RNLS: variants seen among roughly 807,000 people sequenced by gnomAD.
RNLS encodes renalase, FAD dependent amine oxidase.
Under a neutral mutation model 39.8 loss-of-function variants are expected in RNLS, and 39 were observed. The ratio of observed to expected loss-of-function variants is 0.98; its 90% CI spans 0.76 to 1.28. The LOEUF (loss-of-function observed/expected upper bound fraction) is 1.28. RNLS is among the 50% of genes most tolerant of loss of function. RNLS has a pLI of 0.00. For synonymous variants in RNLS, 147 were observed against 150.7 expected, an observed-to-expected ratio of 0.98 and a Z score of 0.18; for missense variants, 410 against 413.3, an observed-to-expected ratio of 0.99 and a Z score of 0.07.
At chr10:88,234,756 C>T in the RNLS span, among the ~76,000 whole-genome samples, 3 of 152,080 alleles carry the variant, frequency 2.0e-5, no homozygotes, top group Non-Finnish European at 2.9e-5. Context: ...GCAGGCAGAA[C>T]AAAGTCGGTA....
intron 4 of RNLS, among the ~76,000 whole-genome samples, chr10:88,382,986 G>T (rs555741175): frequency 6.6e-6 from 1 of 152,168 alleles, no homozygotes; most frequent in East Asian, 1.9e-4. Context: ...AATTCATATA[G>T]CTTTTCAAAA....
At chr10:88,457,599 A>G (rs1426985336) in intron 4 of RNLS, among the ~76,000 whole-genome samples, 1 of 148,238 alleles carries the variant, frequency 6.7e-6, no homozygotes, top group East Asian at 1.9e-4. Flanking sequence ...GGTACCTTAC[A>G]AGGTAAAGGA....
At chr10:88,319,197 A>C (rs767379715) in intron 5 of RNLS, among the ~76,000 whole-genome samples, 4 of 152,198 alleles carry the variant, frequency 2.6e-5, no homozygotes, top group Non-Finnish European at 2.9e-5. Context: ...GGTCCTCTGA[A>C]AGCACCTGGA....
chr10:88,374,890 G>T (rs1850853050), intron 4 of RNLS, among the ~76,000 whole-genome samples: 1 of 151,976 alleles, frequency 6.6e-6, no homozygotes, highest in Non-Finnish European at 1.5e-5. Context: ...AATTATTCTG[G>T]CTTGATGTCC....
At chr10:88,365,436 T>TATAAAAAG (rs1849992125) in intron 4 of RNLS, among the ~76,000 whole-genome samples, 1 of 151,800 alleles carries the variant, frequency 6.6e-6, no homozygotes, top group African/African-American at 2.4e-5. Flanking sequence ...TCAAGGCTTA[T>TATAAAAAG]ATAAAAAGGC....
chr10:88,395,946 G>A (rs1391051170), intron 4 of RNLS, among the ~76,000 whole-genome samples: 2 of 151,978 alleles, frequency 1.3e-5, no homozygotes, highest in African/African-American at 4.8e-5. Flanking sequence ...CATGCAAAAA[G>A]CTGAGAGAAA....
At chr10:88,486,921 T>C (rs1405085936) in intron 4 of RNLS, among the ~76,000 whole-genome samples, 1 of 150,196 alleles carries the variant, frequency 6.7e-6, no homozygotes, top group Non-Finnish European at 1.5e-5. Flanking sequence ...CAAATGTTTA[T>C]GGCAGCACTA....
At chr10:88,267,646 A>T in the RNLS span, among the ~76,000 whole-genome samples, 1 of 152,202 alleles carries the variant, frequency 6.6e-6, no homozygotes, top group Non-Finnish European at 1.5e-5. Context: ...AATACCACCA[A>T]TACATACTTT....
At chr10:88,433,178 T>C (rs747956317) in intron 4 of RNLS, among the ~76,000 whole-genome samples, 1 of 152,042 alleles carries the variant, frequency 6.6e-6, no homozygotes, top group Non-Finnish European at 1.5e-5. Context: ...TGACTTGAGG[T>C]AGAAGGACAG....
chr10:88,538,444 T>A (rs1847884955), intron 4 of RNLS, among the ~76,000 whole-genome samples: 1 of 152,174 alleles, frequency 6.6e-6, no homozygotes, highest in Non-Finnish European at 1.5e-5. Flanking sequence ...CACTGTTGTA[T>A]CTGATCACCA....
intron 6 of RNLS, among the ~76,000 whole-genome samples, chr10:88,299,767 C>A (rs1844375322): frequency 6.6e-6 from 1 of 152,158 alleles, no homozygotes; most frequent in Admixed American, 6.6e-5. Flanking sequence ...GAAACATCAA[C>A]TTTTGAATAT....
At chr10:88,260,248 G>A in the RNLS span, among the ~76,000 whole-genome samples, 1 of 152,186 alleles carries the variant, frequency 6.6e-6, no homozygotes, top group East Asian at 1.9e-4. Flanking sequence ...GAGTCCTGCA[G>A]CCACTTCCCT....
At chr10:88,401,857 T>C (rs183217635) in intron 4 of RNLS, among the ~76,000 whole-genome samples, 1 of 151,958 alleles carries the variant, frequency 6.6e-6, no homozygotes. Flanking sequence ...AATCCAACTA[T>C]GGGTAGTGCA....
chr10:88,497,749 G>A (rs1285621569), intron 4 of RNLS, among the ~76,000 whole-genome samples: 7 of 152,034 alleles, frequency 4.6e-5, no homozygotes, highest in African/African-American at 1.4e-4. Flanking sequence ...CAAGCTGATG[G>A]CTTAAGCCAA....
chr10:88,229,763 T>C, the RNLS span, among the ~76,000 whole-genome samples: 2 of 152,220 alleles, frequency 1.3e-5, no homozygotes, highest in African/African-American at 2.4e-5. Flanking sequence ...CAGACTCATA[T>C]AATATGTGGC....
chr10:88,377,355 T>A (rs554757082), intron 4 of RNLS, among the ~76,000 whole-genome samples: 5 of 152,258 alleles, frequency 3.3e-5, no homozygotes, highest in African/African-American at 1.2e-4. Flanking sequence ...AAAAATGCAA[T>A]TAAATTTATG....
chr10:88,582,272 G>T lies in RNLS; in HGVS notation c.154C>A (p.Pro52Thr). The change falls in exon 2 of 7, where the codon CCT becomes ACT. Residue 52 changes from proline (P) to threonine (T), a missense_variant. Transcript: ENST00000331772. ...GCACCCAAGTCAGCTGTGCACTGAG[G>T]ATTATGAGGACTGCAGGCTGTAGTC... ...RMTTACSPHN[P>T]QCTADLGAQY... 1.2e-6 allele frequency: 2 copies of T among 1,614,048 alleles called. No individual in the cohort carries two copies. Among genetic ancestry groups the T allele is most frequent in the Non-Finnish European group, 1.7e-6 (2 of 1,179,968 alleles).
chr10:88,204,819 C>A, the RNLS span, among the ~76,000 whole-genome samples: 5 of 151,600 alleles, frequency 3.3e-5, no homozygotes, highest in East Asian at 9.6e-4. Flanking sequence ...TTCTTTCCTT[C>A]AAAAAAAATG....
At chr10:88,206,807 G>A in the RNLS span, among the ~76,000 whole-genome samples, 1 of 151,930 alleles carries the variant, frequency 6.6e-6, no homozygotes, top group African/African-American at 2.4e-5. Context: ...CAATACTTTT[G>A]AAAAAGAAGG....
Sources: allele counts gnomAD v4.1 joint callset (sites outside exome capture counted in the v4.1 genomes callset), GRCh38; gene constraint gnomAD v4.1.1; transcripts MANE v1.5; gene names NCBI Gene and HGNC (gene_info 2026-07-23, HGNC 2026-07-21).